Variants in EBF4 observed in about 807,000 individuals in gnomAD.
EBF4 encodes EBF transcription factor 4.
In EBF4, 34 loss-of-function variants were observed where a neutral mutation model predicts 67.1. That is an observed-to-expected ratio of 0.51 (90% CI 0.39 to 0.67). The LOEUF is 0.67. Ranked by LOEUF, EBF4 falls within the 30% of genes least tolerant of loss-of-function variation. The pLI, the probability that EBF4 is intolerant of heterozygous loss-of-function variation, is 0.00. For synonymous variants in EBF4, 387 were observed against 377.7 expected, an observed-to-expected ratio of 1.02 and a Z score of -0.29; for missense variants, 837 against 873.3, an observed-to-expected ratio of 0.96 and a Z score of 0.52.
At chr20:2,714,649 A>G (rs1313570061) in intron 6 of EBF4, among the ~76,000 whole-genome samples, 1 of 152,162 alleles carries the variant, frequency 6.6e-6, no homozygotes, top group East Asian at 1.9e-4. Flanking sequence ...ACAACACCCC[A>G]CCATGTGCTT....
At chr20:2,752,622 C>T (rs2088174034) in intron 14 of EBF4, 77 bp downstream of exon 14, 1 of 1,160,658 alleles carries the variant, frequency 8.6e-7, no homozygotes. Flanking sequence ...CCGCCCATCC[C>T]GGAGAGGTTG....
rs2088062354 is a variant in EBF4, at chr20:2,747,202, G to A, written c.558-1347G>A. 6.6e-6 allele frequency among the ~76,000 whole-genome samples: 1 copy of A among 151,988 alleles called. No homozygotes were observed. Among genetic ancestry groups the A allele is most frequent in the Non-Finnish European group, 1.5e-5 (1 of 68,022 alleles). The stretch of plus-strand genomic sequence containing the variant: ...CCTGTAATCCCCTGTAACTCGGGAA[G>A]CCAAGGGCTGAGGCAGGGACAATTG... On this transcript the variant is annotated intron_variant, in intron 6 of 16. Transcript: ENST00000609451. The surrounding 1 kb of genome is among the most constrained non-coding windows in gnomAD (Gnocchi z 4.6).
chr20:2,741,194 C>G (rs1568583037), intron 6 of EBF4, among the ~76,000 whole-genome samples: 1 of 152,044 alleles, frequency 6.6e-6, no homozygotes, highest in Non-Finnish European at 1.5e-5. Flanking sequence ...GACCTGTAGT[C>G]CCACCTGCTC....
chr20:2,711,103 G>A (rs551556574), intron 6 of EBF4, among the ~76,000 whole-genome samples: 1 of 151,722 alleles, frequency 6.6e-6, no homozygotes, highest in Admixed American at 6.6e-5. Context: ...AGCTGTGATT[G>A]TGCCACTGCA....
chr20:2,716,764 A>G (rs1415859856), intron 6 of EBF4, among the ~76,000 whole-genome samples: 1 of 152,176 alleles, frequency 6.6e-6, no homozygotes, highest in Non-Finnish European at 1.5e-5. Flanking sequence ...AGTACCAGCT[A>G]TGTCCTATAT....
chr20:2,752,267 C>A lies in EBF4; in HGVS notation c.1351+4C>A. On this transcript the variant is annotated splice_donor_region_variant and intron_variant, in intron 13 of 16. Coordinates refer to ENST00000609451, the Ensembl canonical transcript of EBF4. ...GCCACCCCGGGGCCCGAGCCGGGTG[C>A]GTGGGCCGCGCCTCCCCGCCGTCCT... 8.1e-7 allele frequency: 1 copy of A among 1,238,936 alleles called. No homozygotes were observed. The highest frequency in any genetic ancestry group is 1.0e-6 in the Non-Finnish European group (1 of 994,606). The allele number at this position is 1,238,936 out of a possible 1,614,324, so 76.7% of individuals were successfully genotyped here. A position where few individuals can be genotyped will look rare whatever the true frequency, so the allele number is the denominator to read the frequency against.
chr20:2,759,320 G>A, exon 17 of EBF4: 1 of 359,402 alleles, frequency 2.8e-6, no homozygotes, highest in Non-Finnish European at 5.2e-6. Context: ...GGGATTCACA[G>A]CCACACCCCG....
intron 6 of EBF4, among the ~76,000 whole-genome samples, chr20:2,738,415 C>T (rs1343948689): frequency 6.6e-6 from 1 of 152,132 alleles, no homozygotes; most frequent in Non-Finnish European, 1.5e-5. Context: ...CTCTCCTTCT[C>T]TTCTGTTCGT....
chr20:2,757,620 G>C (rs1467507071), intron 15 of EBF4, among the ~76,000 whole-genome samples: 1 of 152,176 alleles, frequency 6.6e-6, no homozygotes, highest in Non-Finnish European at 1.5e-5. Flanking sequence ...TGGGTGGGAA[G>C]GCAGAGATTT....
chr20:2,727,143 G>A (rs1174925216), intron 6 of EBF4, among the ~76,000 whole-genome samples: 2 of 151,892 alleles, frequency 1.3e-5, no homozygotes, highest in Non-Finnish European at 2.9e-5. Context: ...TCCATTATAT[G>A]TATATACCAC....
At chr20:2,722,317 G>A (rs1252847241) in intron 6 of EBF4, among the ~76,000 whole-genome samples, 2 of 151,658 alleles carry the variant, frequency 1.3e-5, no homozygotes, top group African/African-American at 4.9e-5. Flanking sequence ...TATGAATTAC[G>A]AGGTGTTTTT....
At position 2,727,663 on chromosome 20, in the gene EBF4, T is replaced by C. The variant is rs150371589; in HGVS notation, c.557+18021T>C. 4.6e-5 allele frequency among the ~76,000 whole-genome samples: 7 copies of C among 152,348 alleles called. No individual in the cohort carries two copies. The East Asian group carries it at 1.3e-3, about 29-fold the overall frequency. ...AAGAACCACCATACTGTTTTCTATT[T>C]AAAAGGTCGCACCATTTAAAAATCC... On this transcript the variant is annotated intron_variant, in intron 6 of 16. Transcript: ENST00000609451.
Position 2,755,309 on chromosome 20 carries a change from C to T in EBF4, c.1541-318C>T, listed in dbSNP as rs35750143. On this transcript the variant is annotated intron_variant, in intron 14 of 16. Coordinates refer to ENST00000609451, the Ensembl canonical transcript of EBF4. The surrounding 1 kb of genome is among the most constrained non-coding windows in gnomAD (Gnocchi z 4.7). The stretch of plus-strand genomic sequence containing the variant: ...ATCCCAGGGGTTTTCAGCAGAAATC[C>T]TGAAGTAGTCCAGCTGTTGCTCATC... The T allele has an allele frequency of 2.8e-6, 1 of 357,214 alleles. No individual in the cohort carries two copies. The highest frequency in any genetic ancestry group is 5.1e-6 in the Non-Finnish European group (1 of 196,250). The allele number at this position is 357,214 out of a possible 1,614,324, so 22.1% of individuals were successfully genotyped here. A position where few individuals can be genotyped will look rare whatever the true frequency, so the allele number is the denominator to read the frequency against.
intron 6 of EBF4, among the ~76,000 whole-genome samples, 174 bp downstream of exon 6, chr20:2,709,816 G>A (rs934563957): frequency 1.3e-5 from 2 of 152,070 alleles, no homozygotes; most frequent in East Asian, 1.9e-4. Flanking sequence ...GCCTCCAGCC[G>A]TGGCCCCTGA....
chr20:2,728,947 G>A (rs1474567270), intron 6 of EBF4, among the ~76,000 whole-genome samples: 1 of 151,972 alleles, frequency 6.6e-6, no homozygotes, highest in Non-Finnish European at 1.5e-5. Flanking sequence ...TAGAGCTGTT[G>A]CAGATATTTT....
rs2088145692 is a variant in EBF4 at position 2,751,568 on chromosome 20, G to A, written c.1019-132G>A. The stretch of plus-strand genomic sequence containing the variant: ...GCCTGGAGTTTTCCGGGGGACTTGG[G>A]CTGGGCCTGGTGGAGGGGGCTGCAG... On this transcript the variant is annotated intron_variant, in intron 10 of 16. Coordinates refer to ENST00000609451, the Ensembl canonical transcript of EBF4. This position sits in a 1 kb window ranked among gnomAD's most constrained non-coding sequence, Gnocchi z 5.2. 3.4e-6 allele frequency: 3 copies of A among 871,606 alleles called. No homozygotes were observed. The Admixed American group carries it at 7.4e-5, about 22-fold the overall frequency. 54.0% of individuals were successfully genotyped at this position (871,606 alleles called of 1,614,324 possible).
chr20:2,735,510 C>G (rs1299207842), intron 6 of EBF4, among the ~76,000 whole-genome samples: 2 of 152,184 alleles, frequency 1.3e-5, no homozygotes, highest in African/African-American at 2.4e-5. Flanking sequence ...TGATTTTGAC[C>G]ATGTTTGCCA....
At chr20:2,717,842 G>T (rs145773683) in intron 6 of EBF4, among the ~76,000 whole-genome samples, 6,543 of 149,020 alleles carry the variant, frequency 0.044, 462 homozygotes, top group African/African-American at 0.15. Context: ...ACAGAGTCTC[G>T]CTCTGTCGCT....
intron 6 of EBF4, among the ~76,000 whole-genome samples, chr20:2,713,890 G>A (rs2087574732): frequency 6.6e-6 from 1 of 152,148 alleles, no homozygotes; most frequent in African/African-American, 2.4e-5. Context: ...GCGTGGCCAG[G>A]GAAGGTGGAG....
Sources: allele counts gnomAD v4.1 joint callset (sites outside exome capture counted in the v4.1 genomes callset), GRCh38; gene constraint gnomAD v4.1.1; non-coding constraint Gnocchi (gnomAD v3.1); transcripts MANE v1.5; gene names NCBI Gene and HGNC (gene_info 2026-07-23, HGNC 2026-07-21).